DTNA: variants seen among roughly 807,000 people sequenced by gnomAD.
DTNA encodes dystrobrevin alpha.
Under a neutral mutation model 100.7 loss-of-function variants are expected in DTNA, and 43 were observed. The ratio of observed to expected loss-of-function variants is 0.43; its 90% CI spans 0.33 to 0.55. The LOEUF (loss-of-function observed/expected upper bound fraction) is 0.55. Among genes scored for constraint, DTNA ranks in the 20% least tolerant of loss-of-function variants. The probability of loss-of-function intolerance (pLI) is 0.04; values close to 1 mark genes in which losing one functional copy is unlikely to be tolerated. For missense variants in DTNA, 798 were observed against 953.9 expected, an observed-to-expected ratio of 0.84 and a Z score of 2.15; for synonymous variants, 349 against 347.9, an observed-to-expected ratio of 1.00 and a Z score of -0.04.
At chr18:34,605,492 C>T (rs981711748) in intron 1 of DTNA, among the ~76,000 whole-genome samples, 1 of 152,140 alleles carries the variant, frequency 6.6e-6, no homozygotes, top group Non-Finnish European at 1.5e-5. Context: ...TTACTCCAGG[C>T]TTTCTGCCAA....
At chr18:34,630,377 A>G (rs1184207852) in intron 1 of DTNA, among the ~76,000 whole-genome samples, 1 of 152,160 alleles carries the variant, frequency 6.6e-6, no homozygotes, top group Non-Finnish European at 1.5e-5. Context: ...TACTAACTCT[A>G]AGCCTTAGCT....
At chr18:34,754,855 G>A (rs943310254) in intron 1 of DTNA, among the ~76,000 whole-genome samples, 1 of 152,176 alleles carries the variant, frequency 6.6e-6, no homozygotes, top group Non-Finnish European at 1.5e-5. Flanking sequence ...CCAGGCAGTT[G>A]TAGAAAGTTG....
intron 15 of DTNA, among the ~76,000 whole-genome samples, chr18:34,854,360 ATT>A (rs2096527599): frequency 6.6e-6 from 1 of 152,170 alleles, no homozygotes; most frequent in Admixed American, 6.5e-5. Context: ...GTTTTGTTTT[ATT>A]TTGGGTTTTA....
chr18:34,500,938 T>G (rs1001287524), intron 1 of DTNA, among the ~76,000 whole-genome samples: 10 of 152,236 alleles, frequency 6.6e-5, no homozygotes, highest in Admixed American at 5.9e-4. Flanking sequence ...ATAATCTATA[T>G]GCCTTTTGTT....
At chr18:34,770,863 A>T (rs1247751477) in intron 3 of DTNA, among the ~76,000 whole-genome samples, 1 of 148,308 alleles carries the variant, frequency 6.7e-6, no homozygotes, top group Non-Finnish European at 1.5e-5. Context: ...GCTCACTGCA[A>T]CCTCTGCCTC....
chr18:34,767,112 A>T (rs939181563), intron 3 of DTNA, among the ~76,000 whole-genome samples: 1 of 152,124 alleles, frequency 6.6e-6, no homozygotes, highest in African/African-American at 2.4e-5. Context: ...AAAAAGTCTC[A>T]TTTTTTAATT....
At chr18:34,517,682 TATAA>T (rs918900971) in intron 1 of DTNA, among the ~76,000 whole-genome samples, 9 of 152,098 alleles carry the variant, frequency 5.9e-5, no homozygotes, top group African/African-American at 2.2e-4. Context: ...AAAAATGTTA[TATAA>T]ATGGAATTTT....
intron 5 of DTNA, among the ~76,000 whole-genome samples, chr18:34,809,299 AC>A (rs2149294156): frequency 6.6e-6 from 1 of 152,206 alleles, no homozygotes; most frequent in South Asian, 2.1e-4. Context: ...TAATGATAAA[AC>A]AGATAAGGTA....
At chr18:34,813,672 T>G (rs8086358) in intron 6 of DTNA, among the ~76,000 whole-genome samples, 24,726 of 151,592 alleles carry the variant, frequency 0.16, 2,413 homozygotes, top group African/African-American at 0.27. Flanking sequence ...GTCCAATATG[T>G]TGAAACCCCG....
intron 1 of DTNA, among the ~76,000 whole-genome samples, chr18:34,723,438 G>A (rs181061088): frequency 3.3e-5 from 5 of 152,212 alleles, no homozygotes; most frequent in East Asian, 1.9e-4. Flanking sequence ...ATATCCAATC[G>A]TAGGAAATTA....
intron 1 of DTNA, among the ~76,000 whole-genome samples, chr18:34,534,680 T>C (rs1177675612): frequency 6.6e-6 from 1 of 151,962 alleles, no homozygotes; most frequent in Non-Finnish European, 1.5e-5. Flanking sequence ...TGCGTGATGT[T>C]CCCCTCCCTG....
chr18:34,824,988 C>A (rs900249101), intron 9 of DTNA, among the ~76,000 whole-genome samples: 1 of 148,822 alleles, frequency 6.7e-6, no homozygotes. Flanking sequence ...GGTTGCGGTA[C>A]TAATACACAC....
At chr18:34,818,103 T>C in intron 7 of DTNA, 61 bp from the exon 8 acceptor site, 1 of 1,612,906 alleles carries the variant, frequency 6.2e-7, no homozygotes, top group South Asian at 1.1e-5. Flanking sequence ...AGGCTGTATT[T>C]TTCCTTCTTC....
At chr18:34,703,786 A>T (rs1439696147) in intron 1 of DTNA, among the ~76,000 whole-genome samples, 4 of 152,180 alleles carry the variant, frequency 2.6e-5, no homozygotes, top group African/African-American at 9.7e-5. Context: ...CCAATAATGG[A>T]ATTCATTTAA....
intron 5 of DTNA, among the ~76,000 whole-genome samples, chr18:34,809,869 C>G (rs369829944): frequency 4.1e-4 from 62 of 152,290 alleles, no homozygotes; most frequent in African/African-American, 1.4e-3. Context: ...GGGCACCATT[C>G]AGTGGTAGGG....
intron 13 of DTNA, among the ~76,000 whole-genome samples, chr18:34,842,660 C>G (rs2096290538): frequency 6.6e-6 from 1 of 152,174 alleles, no homozygotes; most frequent in Admixed American, 6.5e-5. Context: ...TACTAGTTCT[C>G]CCCTCTGTCT....
intron 6 of DTNA, among the ~76,000 whole-genome samples, chr18:34,814,585 G>T (rs1335087484): frequency 6.6e-6 from 1 of 151,932 alleles, no homozygotes; most frequent in Non-Finnish European, 1.5e-5. Context: ...CCAGCTACTT[G>T]GGAGGCTGAG....
chr18:34,539,229 G>A (rs1012627219), intron 1 of DTNA, among the ~76,000 whole-genome samples: 2 of 151,780 alleles, frequency 1.3e-5, no homozygotes, highest in African/African-American at 2.4e-5. Flanking sequence ...CGTAGAATCA[G>A]TGAAATTTTA....
chr18:34,727,565 C>T (rs1157325964), intron 1 of DTNA, among the ~76,000 whole-genome samples: 1 of 151,970 alleles, frequency 6.6e-6, no homozygotes, highest in Non-Finnish European at 1.5e-5. Flanking sequence ...TTTAAAATGT[C>T]CTTTTTTTTT....
Sources: gnomAD v4.1 joint callset for allele counts (sites outside exome capture counted in the v4.1 genomes callset) on GRCh38, gnomAD v4.1.1 for gene constraint, MANE v1.5 for transcripts, NCBI Gene and HGNC (gene_info 2026-07-23, HGNC 2026-07-21) for gene names.